Variants in ULK4 observed in about 807,000 individuals in gnomAD.
ULK4 encodes the protein unc-51 like kinase 4.
A neutral mutation model predicts 160.6 loss-of-function variants in ULK4; 133 were observed. The ratio of observed to expected loss-of-function variants is 0.83; its 90% CI spans 0.72 to 0.96. ULK4 has a LOEUF of 0.96. ULK4 is among the 40% of genes least tolerant of loss of function. The pLI, the probability that ULK4 is intolerant of heterozygous loss-of-function variation, is 0.00. For missense variants in ULK4, 1,580 were observed against 1,499.5 expected, an observed-to-expected ratio of 1.05 and a Z score of -0.89; for synonymous variants, 534 against 539.8, an observed-to-expected ratio of 0.99 and a Z score of 0.15.
At chr3:41,482,397 G>T (rs1423427363) in intron 32 of ULK4, among the ~76,000 whole-genome samples, 1 of 152,214 alleles carries the variant, frequency 6.6e-6, no homozygotes, top group African/African-American at 2.4e-5. Context: ...GCCAGAAGCT[G>T]GGTTACGACA....
chr3:41,640,159 C>G (rs1243362027), intron 30 of ULK4, among the ~76,000 whole-genome samples: 1 of 152,170 alleles, frequency 6.6e-6, no homozygotes, highest in Admixed American at 6.6e-5. Flanking sequence ...GGTCCCATTT[C>G]TATTGGCATA....
chr3:41,590,328 A>C (rs888332996), intron 31 of ULK4, among the ~76,000 whole-genome samples: 1 of 151,586 alleles, frequency 6.6e-6, no homozygotes, highest in Admixed American at 6.6e-5. Context: ...AAAAATAAAA[A>C]AGAAGGGCCT....
At chr3:41,676,277 C>T (rs2081972191) in intron 29 of ULK4, among the ~76,000 whole-genome samples, 1 of 152,134 alleles carries the variant, frequency 6.6e-6, no homozygotes, top group African/African-American at 2.4e-5. Flanking sequence ...GGTAAGTATC[C>T]TTTTCTTGAC....
chr3:41,918,666 A>G (rs1328386694), intron 6 of ULK4, 126 bp from the exon 7 acceptor site: 2 of 487,332 alleles, frequency 4.1e-6, no homozygotes, highest in Admixed American at 4.9e-5. Context: ...CAGTGGCGCA[A>G]TCTCGGCTCA....
intron 32 of ULK4, among the ~76,000 whole-genome samples, chr3:41,506,511 T>C (rs563320909): frequency 1.2e-4 from 19 of 152,030 alleles, no homozygotes; most frequent in Admixed American, 9.8e-4. Context: ...TCCTGGATTG[T>C]AGTCATTTTC....
chr3:41,464,636 T>C (rs1355939115), intron 32 of ULK4, among the ~76,000 whole-genome samples: 1 of 152,146 alleles, frequency 6.6e-6, no homozygotes, highest in East Asian at 1.9e-4. Flanking sequence ...CTGTGAGCTG[T>C]AGATAGAAGG....
intron 32 of ULK4, among the ~76,000 whole-genome samples, chr3:41,521,143 G>C (rs1243772289): frequency 6.6e-6 from 1 of 152,180 alleles, no homozygotes; most frequent in African/African-American, 2.4e-5. Context: ...CTGACCAGGA[G>C]TGCCACACAT....
At chr3:41,891,379 C>A (rs1347317654) in intron 16 of ULK4, among the ~76,000 whole-genome samples, 6 of 140,574 alleles carry the variant, frequency 4.3e-5, no homozygotes, top group African/African-American at 1.3e-4. Flanking sequence ...GGCAGGCAGG[C>A]AGGAAGGAGC....
chr3:41,714,057 G>A (rs1362048188), intron 25 of ULK4, among the ~76,000 whole-genome samples: 1 of 152,162 alleles, frequency 6.6e-6, no homozygotes, highest in East Asian at 1.9e-4. Flanking sequence ...CAATGGAATT[G>A]TAAATAGAAA....
At chr3:41,765,239 T>C (rs2039119593) in intron 21 of ULK4, among the ~76,000 whole-genome samples, 1 of 152,098 alleles carries the variant, frequency 6.6e-6, no homozygotes, top group South Asian at 2.1e-4. Flanking sequence ...TAAAAAATGA[T>C]GAGTTCATGT....
intron 18 of ULK4, among the ~76,000 whole-genome samples, chr3:41,835,062 C>T (rs894322531): frequency 2.0e-5 from 3 of 152,092 alleles, no homozygotes; most frequent in Non-Finnish European, 4.4e-5. Context: ...GACTCAAAAT[C>T]ATAACAATAT....
chr3:41,555,436 G>A (rs2087254587), intron 32 of ULK4, among the ~76,000 whole-genome samples: 1 of 151,996 alleles, frequency 6.6e-6, no homozygotes. Flanking sequence ...TAACATCACT[G>A]ATCATCAGAG....
chr3:41,961,040 C>T (rs971410107), intron 1 of ULK4, among the ~76,000 whole-genome samples: 1 of 152,134 alleles, frequency 6.6e-6, no homozygotes, highest in Non-Finnish European at 1.5e-5. Flanking sequence ...TGTGCTTTCC[C>T]AGAAACCACA....
At chr3:41,850,896 T>G (rs1289115736) in intron 17 of ULK4, among the ~76,000 whole-genome samples, 4 of 152,348 alleles carry the variant, frequency 2.6e-5, no homozygotes, top group South Asian at 4.1e-4. Flanking sequence ...GCCTATGTCC[T>G]GAATGGTATT....
chr3:41,624,116 C>CT (rs2033379501), intron 30 of ULK4, among the ~76,000 whole-genome samples: 1 of 152,212 alleles, frequency 6.6e-6, no homozygotes, highest in African/African-American at 2.4e-5. Context: ...AGACGTGAGG[C>CT]TGAGGCTCCT....
chr3:41,900,749 GACA>G lies in ULK4; in HGVS notation c.1260_1262del (p.Val421del), dbSNP rs1322782878. The G allele has an allele frequency of 1.9e-6, 3 of 1,613,612 alleles. No individual in the cohort carries two copies. The highest frequency in any genetic ancestry group is 3.3e-5 in the Admixed American group (2 of 60,000). On this transcript the variant is annotated inframe_deletion, in exon 13 of 37. Coordinates refer to ENST00000301831, the MANE Select transcript of ULK4 (RefSeq NM_017886.4). ...CCTTTGGATTGTCGATAATGGGGGT[GACA>G]ACAAGATCTGAGTCCGTGTAGATAA...
chr3:41,948,184 C>T lies in ULK4; in HGVS notation c.138+6438G>A, dbSNP rs144357748. The stretch of plus-strand genomic sequence containing the variant: ...AGAATATTTAAGCCAGGCGCAGTGG[C>T]TCATACCTGTAATCCCGGCATTTCG... On this transcript the variant is annotated intron_variant, in intron 2 of 36. Coordinates refer to ENST00000301831, the MANE Select transcript of ULK4 (RefSeq NM_017886.4). Among the ~76,000 whole-genome samples the T allele has an allele frequency of 5.6e-3, 860 of 152,230 alleles. 11 individuals are homozygous for T. Among genetic ancestry groups the T allele is most frequent in the Middle Eastern group, 0.02 (6 of 294 alleles).
At chr3:41,421,099 T>C (rs2082655069) in intron 34 of ULK4, among the ~76,000 whole-genome samples, 1 of 146,230 alleles carries the variant, frequency 6.8e-6, no homozygotes, top group African/African-American at 2.6e-5. Flanking sequence ...GGGAAACAAA[T>C]AAGTGAGACC....
At chr3:41,542,293 G>C (rs2086723035) in intron 32 of ULK4, among the ~76,000 whole-genome samples, 1 of 152,066 alleles carries the variant, frequency 6.6e-6, no homozygotes, top group Non-Finnish European at 1.5e-5. Flanking sequence ...TTTTGTCATT[G>C]GTTCTGTTTA....
Sources: gnomAD v4.1 joint callset for allele counts (sites outside exome capture counted in the v4.1 genomes callset) on GRCh38, gnomAD v4.1.1 for gene constraint, MANE v1.5 for transcripts, NCBI Gene and HGNC (gene_info 2026-07-23, HGNC 2026-07-21) for gene names.